The following TMEM61 variants were observed in gnomAD, a reference collection of about 807,000 sequenced individuals.
TMEM61 encodes transmembrane protein 61.
In TMEM61, 13 loss-of-function variants were observed where a neutral mutation model predicts 12.0. The ratio of observed to expected loss-of-function variants is 1.08; its 90% CI spans 0.70 to 1.72. The LOEUF is 1.72. Ranked by LOEUF, TMEM61 falls within the 40% of genes most tolerant of loss-of-function variation. The pLI, the probability that TMEM61 is intolerant of heterozygous loss-of-function variation, is 0.00. For missense variants in TMEM61, 249 were observed against 276.9 expected, an observed-to-expected ratio of 0.90 and a Z score of 0.71; for synonymous variants, 109 against 121.4, an observed-to-expected ratio of 0.90 and a Z score of 0.67.
At chr1:54,984,743 C>T (rs1254691841) in intron 1 of TMEM61, among the ~76,000 whole-genome samples, 1 of 152,146 alleles carries the variant, frequency 6.6e-6, no homozygotes, top group East Asian at 1.9e-4. Context: ...GCAAAGGTGG[C>T]CCAGGGCACT....
At chr1:54,988,206 C>A (rs1644273044) in intron 2 of TMEM61, among the ~76,000 whole-genome samples, 2 of 152,360 alleles carry the variant, frequency 1.3e-5, no homozygotes, top group Admixed American at 1.3e-4. Flanking sequence ...CCAGGCCAGG[C>A]CCCAGATGCT....
intron 2 of TMEM61, among the ~76,000 whole-genome samples, chr1:54,988,131 G>A (rs1005570040): frequency 2.6e-5 from 4 of 152,226 alleles, no homozygotes; most frequent in African/African-American, 9.6e-5. Context: ...TCAGATGAGA[G>A]ACCTGGGTCT....
At chr1:54,983,833 G>A (rs1341121995) in intron 1 of TMEM61, among the ~76,000 whole-genome samples, 2 of 152,142 alleles carry the variant, frequency 1.3e-5, no homozygotes, top group African/African-American at 4.8e-5. Context: ...GGGGATGGGG[G>A]ACTGGGAGTA....
chr1:54,983,113 TTTTTTTTTG>T (rs1328498546), intron 1 of TMEM61, among the ~76,000 whole-genome samples: 1 of 127,350 alleles, frequency 7.9e-6, no homozygotes, highest in Non-Finnish European at 1.8e-5. Context: ...TGCTTTGTTT[TTTTTTTTTG>T]TTTTTTTTTG....
At chr1:54,991,153 G>A (rs931265758) in intron 2 of TMEM61, among the ~76,000 whole-genome samples, 1 of 152,204 alleles carries the variant, frequency 6.6e-6, no homozygotes, top group African/African-American at 2.4e-5. Context: ...CTGGGGCGTG[G>A]GTGATCTGTC....
Position 54,992,202 on chromosome 1 carries a change from G to A in TMEM61, c.*99G>A, listed in dbSNP as rs1304436191. ...CACAGTAGGCACTCAGCAAACGTTC[G>A]TTGTTGAAGGCTGTTCTATTTATCT... On this transcript the variant is annotated 3_prime_UTR_variant, in exon 3 of 3. Coordinates refer to ENST00000371268, the MANE Select transcript of TMEM61 (RefSeq NM_182532.3). 15 of 1,413,612 alleles carry A rather than the reference G, an allele frequency of 1.1e-5. No individual in the cohort carries two copies. The highest frequency in any genetic ancestry group is 4.0e-5 in the South Asian group (3 of 74,566). 87.6% of individuals were successfully genotyped at this position (1,413,612 alleles called of 1,614,324 possible).
At position 54,986,303 on chromosome 1, in the gene TMEM61, C is replaced by T. The variant is rs550838536; in HGVS notation, c.222C>T (p.Cys74=). 183 of 1,613,992 alleles carry T rather than the reference C, an allele frequency of 1.1e-4. No homozygotes were observed. The highest frequency in any genetic ancestry group is 9.3e-4 in the Admixed American group (56 of 60,030). ...TCAGGTCCGTCAGCTTCGTCTGCTG[C>T]GGTGCAGGTGGCCTGCTGCTGCTCA... ...PLLRSVSFVC[C]GAGGLLLLIG... Residue 74 remains cysteine (C), a synonymous_variant, in exon 2 of 3, where the codon TGC becomes TGT. Transcript: ENST00000371268.
chr1:54,981,557 G>T (rs1013011407), intron 1 of TMEM61, among the ~76,000 whole-genome samples: 4 of 152,224 alleles, frequency 2.6e-5, no homozygotes, highest in African/African-American at 9.6e-5. Context: ...GGCAGAGGGT[G>T]CAATGAGCCG....
At position 54,992,162 on chromosome 1, in the gene TMEM61, A is replaced by G. The variant is rs1644304953; in HGVS notation, c.*59A>G. 2 of 1,568,922 alleles carry G rather than the reference A, an allele frequency of 1.3e-6. No individual in the cohort carries two copies. Among genetic ancestry groups the G allele is most frequent in the East Asian group, 2.2e-5 (1 of 44,592 alleles). The stretch of plus-strand genomic sequence containing the variant: ...AATGCCGTGCCTTCTCCAGAGTCTT[A>G]TGCAGTGCCTGGGACACAGTAGGCA... On this transcript the variant is annotated 3_prime_UTR_variant, in exon 3 of 3. Transcript: ENST00000371268.
Position 54,980,662 on chromosome 1 carries a change from A to C in TMEM61, c.-404A>C. 5.7e-6 allele frequency: 1 copy of C among 175,576 alleles called. No individual in the cohort carries two copies. 10.9% of individuals were successfully genotyped at this position (175,576 alleles called of 1,614,324 possible). A position where few individuals can be genotyped will look rare whatever the true frequency, so the allele number is the denominator to read the frequency against. ...CACCTGGAGCTGCCCGAGGACGCGG[A>C]GGAGAGGTGGGGCGGGCGTCACCAC... On this transcript the variant is annotated 5_prime_UTR_variant, in exon 1 of 3. Coordinates refer to ENST00000371268, the MANE Select transcript of TMEM61 (RefSeq NM_182532.3).
Position 54,980,992 on chromosome 1 carries a change from C to A in TMEM61, c.-74C>A. On this transcript the variant is annotated 5_prime_UTR_variant, in exon 1 of 3. Transcript: ENST00000371268. ...CGCTGGTAGGGTCGCTCAGCCCTGG[C>A]GTCCTCCACCACCACACCTTCACCT... is the stretch of plus-strand genomic sequence containing the variant. 2 of 1,489,088 alleles carry A rather than the reference C, an allele frequency of 1.3e-6. No homozygotes were observed. The highest frequency in any genetic ancestry group is 1.4e-5 in the African/African-American group (1 of 71,218). The allele number at this position is 1,489,088 out of a possible 1,614,324, so 92.2% of individuals were successfully genotyped here. A position where few individuals can be genotyped will look rare whatever the true frequency, so the allele number is the denominator to read the frequency against.
At chr1:54,983,109 G>GTTTTTTGTTTTTT (rs1644234129) in intron 1 of TMEM61, among the ~76,000 whole-genome samples, 1 of 109,522 alleles carries the variant, frequency 9.1e-6, no homozygotes, top group Non-Finnish European at 1.8e-5. Context: ...GTTTTGCTTT[G>GTTTTTTGTTTTTT]TTTTTTTTTT....
intron 1 of TMEM61, among the ~76,000 whole-genome samples, chr1:54,983,109 G>GTTTTTT (rs780127208): frequency 0.25 from 26,472 of 106,824 alleles, 6,970 homozygotes; most frequent in Admixed American, 0.31. Flanking sequence ...GTTTTGCTTT[G>GTTTTTT]TTTTTTTTTT....
chr1:54,991,299 G>T (rs1235792428), intron 2 of TMEM61, among the ~76,000 whole-genome samples: 1 of 152,230 alleles, frequency 6.6e-6, no homozygotes, highest in Non-Finnish European at 1.5e-5. Context: ...CTGGTAAGTT[G>T]TAAGCTCTCC....
chr1:54,990,174 C>T (rs1644285607), intron 2 of TMEM61, among the ~76,000 whole-genome samples: 1 of 152,046 alleles, frequency 6.6e-6, no homozygotes, highest in South Asian at 2.1e-4. Flanking sequence ...CGGCTGTCTT[C>T]CAGAGAAGGA....
Position 54,986,255 on chromosome 1 carries a change from G to A in TMEM61, c.174G>A (p.Val58=). 6.2e-7 allele frequency: 1 copy of A among 1,613,854 alleles called. No individual in the cohort carries two copies. The highest frequency in any genetic ancestry group is 8.5e-7 in the Non-Finnish European group (1 of 1,179,988). Residue 58 remains valine, a synonymous_variant, in exon 2 of 3, where the codon GTG becomes GTA. Transcript: ENST00000371268. ...TGGCCCCACCCACGGAGTATCCGGT[G>A]CCTGAGGGCCCCAGCCCCCTGCTCA... The part of the protein sequence containing the change: ...GQLAPPTEYP[V]PEGPSPLLRS...
chr1:54,991,720 A>G, intron 2 of TMEM61, 116 bp from the exon 3 acceptor site: 11 of 1,284,934 alleles, frequency 8.6e-6, no homozygotes, highest in Non-Finnish European at 1.1e-5. Flanking sequence ...GGAGAGCCAC[A>G]AAGGCTTGGA....
intron 2 of TMEM61, among the ~76,000 whole-genome samples, chr1:54,988,377 A>C (rs1644274105): frequency 6.6e-6 from 1 of 152,206 alleles, no homozygotes; most frequent in Non-Finnish European, 1.5e-5. Flanking sequence ...GAGGAAGCCC[A>C]CCTAGGAGGT....
At chr1:54,985,642 C>G (rs900897077) in intron 1 of TMEM61, among the ~76,000 whole-genome samples, 1 of 152,218 alleles carries the variant, frequency 6.6e-6, no homozygotes, top group African/African-American at 2.4e-5. Flanking sequence ...GTATCTTCCT[C>G]TATTCAGTAA....
Sources: gnomAD v4.1 joint callset for allele counts (sites outside exome capture counted in the v4.1 genomes callset) on GRCh38, gnomAD v4.1.1 for gene constraint, MANE v1.5 for transcripts, NCBI Gene and HGNC (gene_info 2026-07-23, HGNC 2026-07-21) for gene names.